Variants in SYNE3 observed in about 807,000 individuals in gnomAD.
The protein encoded by SYNE3 is nesprin-3.
A neutral mutation model predicts 111.2 loss-of-function variants in SYNE3; 100 were observed. The ratio of observed to expected loss-of-function variants is 0.90; its 90% CI spans 0.77 to 1.06. The LOEUF (loss-of-function observed/expected upper bound fraction) is 1.06. Ranked by LOEUF, SYNE3 falls within the 50% of genes least tolerant of loss-of-function variation. The pLI is 0.00. For synonymous variants in SYNE3, 547 were observed against 533.9 expected, an observed-to-expected ratio of 1.02 and a Z score of -0.34; for missense variants, 1,160 against 1,240.3, an observed-to-expected ratio of 0.94 and a Z score of 0.97.
intron 9 of SYNE3, among the ~76,000 whole-genome samples, chr14:95,444,868 C>A (rs1009193094): frequency 2.6e-5 from 4 of 152,186 alleles, no homozygotes; most frequent in Non-Finnish European, 5.9e-5. Flanking sequence ...GCAAGCTACA[C>A]CCCTCCACCC....
intron 17 of SYNE3, among the ~76,000 whole-genome samples, chr14:95,421,249 A>G (rs1247749456): frequency 6.6e-6 from 1 of 152,150 alleles, no homozygotes; most frequent in African/African-American, 2.4e-5. Context: ...TGATGAGCCC[A>G]TGGGGGTGGG....
At chr14:95,420,583 C>CATACAAGTGTTGA (rs1175056790) in intron 17 of SYNE3, among the ~76,000 whole-genome samples, 4 of 152,166 alleles carry the variant, frequency 2.6e-5, no homozygotes, top group Non-Finnish European at 5.9e-5. Flanking sequence ...ATGGTCTTCT[C>CATACAAGTGTTGA]AAAGGATTCC....
chr14:95,502,681 G>A (rs1427050646), intron 1 of SYNE3, among the ~76,000 whole-genome samples: 4 of 152,080 alleles, frequency 2.6e-5, no homozygotes, highest in African/African-American at 7.2e-5. Flanking sequence ...AAACCAGCAC[G>A]TACAACCGGT....
intron 13 of SYNE3, among the ~76,000 whole-genome samples, 177 bp from the exon 14 acceptor site, chr14:95,439,339 C>T (rs561489537): frequency 6.6e-6 from 1 of 152,252 alleles, no homozygotes; most frequent in Non-Finnish European, 1.5e-5. Context: ...CTCAGAGTAA[C>T]CTGTCATGAA....
At chr14:95,514,122 G>C (rs1172346235) in intron 1 of SYNE3, among the ~76,000 whole-genome samples, 1 of 152,096 alleles carries the variant, frequency 6.6e-6, no homozygotes, top group South Asian at 2.1e-4. Flanking sequence ...GAGTTGAAAG[G>C]GGTGACCAGG....
At chr14:95,508,410 C>T (rs1018142132) in intron 1 of SYNE3, among the ~76,000 whole-genome samples, 3 of 152,340 alleles carry the variant, frequency 2.0e-5, no homozygotes, top group Admixed American at 6.5e-5. Context: ...TATTGAGCAG[C>T]TTTGATGGCT....
In SYNE3 at chr14:95,433,297, A is replaced by G. The variant is rs1388334635; in HGVS notation, c.2651T>C (p.Leu884Pro). ...AGAGTCCTTCAGCTTGGACTTGTACAGCATCCACTGGTAGCGCAGATCTTC... is the reference window on the plus strand; with the variant it reads ...AGAGTCCTTCAGCTTGGACTTGTACGGCATCCACTGGTAGCGCAGATCTTC... Reference protein sequence around the residue: ...ELEDLRYQWMLYKSKLKDSGH... With the variant: ...ELEDLRYQWMPYKSKLKDSGH... Residue 884 changes from leucine to proline, a missense_variant, in exon 16 of 18, where the codon CTG (leucine) becomes CCG (proline). Physicochemically the swap from Leu to Pro is moderately conservative, Grantham distance 98. Coordinates refer to ENST00000682763, the MANE Select transcript of SYNE3 (RefSeq NM_152592.6). 1 of 1,614,138 alleles carries G rather than the reference A, an allele frequency of 6.2e-7. No homozygotes were observed. Among genetic ancestry groups the G allele is most frequent in the South Asian group, 1.1e-5 (1 of 91,086 alleles).
At chr14:95,477,533 A>G (rs56080729) in intron 1 of SYNE3, among the ~76,000 whole-genome samples, 81,302 of 152,130 alleles carry the variant, frequency 0.53, 21,983 homozygotes, top group African/African-American at 0.63. Flanking sequence ...TCTACTGGGA[A>G]GCTGGGCACC....
chr14:95,430,699 C>T (rs887825795), intron 17 of SYNE3, among the ~76,000 whole-genome samples: 2 of 152,062 alleles, frequency 1.3e-5, no homozygotes, highest in African/African-American at 4.8e-5. Flanking sequence ...TAGCGCATGC[C>T]TGTAATCCCA....
chr14:95,439,086 TTG>T lies in SYNE3; in HGVS notation c.2321_2322del (p.Pro774GlnfsTer30). On this transcript the variant is annotated frameshift_variant, in exon 14 of 18. Coordinates refer to ENST00000682763, the MANE Select transcript of SYNE3 (RefSeq NM_152592.6). LOFTEE classifies it high-confidence loss of function. ...GKKMVFTNNI[P>X]KSGFLINPMD... ...ATGGGATTGATGAGAAATCCTGACT[TTG>T]GGATGTTGTTGGTGAAAACCATTTT... is the stretch of plus-strand genomic sequence containing the variant. The T allele has an allele frequency of 6.2e-7, 1 of 1,614,216 alleles. No homozygotes were observed.
At chr14:95,466,396 G>T (rs1047487416) in intron 3 of SYNE3, among the ~76,000 whole-genome samples, 156 bp from the exon 4 acceptor site, 3 of 152,138 alleles carry the variant, frequency 2.0e-5, no homozygotes, top group African/African-American at 7.2e-5. Context: ...GCAGCTTGTT[G>T]ACACTCCAGA....
rs780109883 is a variant in SYNE3 at position 95,445,970 on chromosome 14, C to A, written c.1571G>T (p.Gly524Val). Reference protein sequence around the residue: ...RATALLEQVAGSMRDRDLLHN... With the variant: ...RATALLEQVAVSMRDRDLLHN... ...CAGCAGGTCTCTGTCCCTCATGGAA[C>A]CTGCCACCTGCTCCAGGAGTGCCGT... The change falls in exon 9 of 18, where the codon GGT (glycine) becomes GTT (valine). Residue 524 changes from glycine to valine, a missense_variant. Transcript: ENST00000682763. The A allele has an allele frequency of 1.1e-5, 17 of 1,614,030 alleles. No homozygotes were observed. The highest frequency in any genetic ancestry group is 5.0e-5 in the Admixed American group (3 of 60,004).
At chr14:95,437,188 G>A (rs757729261) in intron 14 of SYNE3, among the ~76,000 whole-genome samples, 11 of 152,168 alleles carry the variant, frequency 7.2e-5, no homozygotes, top group South Asian at 2.1e-4. Flanking sequence ...CCCCTTTCTG[G>A]TCCCCTGAGA....
chr14:95,460,711 C>T (rs1706654258), intron 4 of SYNE3, among the ~76,000 whole-genome samples: 1 of 152,200 alleles, frequency 6.6e-6, no homozygotes, highest in African/African-American at 2.4e-5. Context: ...TGCTGGCTTC[C>T]CCTTCCTGCA....
chr14:95,481,152 C>T lies in SYNE3; in HGVS notation c.-14-5317G>A, dbSNP rs140874166. 5.0e-4 allele frequency among the ~76,000 whole-genome samples: 76 copies of T among 152,386 alleles called. No homozygotes were observed. In the Middle Eastern group the frequency reaches 0.027, roughly 55 times the overall value. On this transcript the variant is annotated intron_variant, in intron 1 of 17. Transcript: ENST00000682763. ...GATAAGAATGCGCAGACTGCAGTCA[C>T]TGGCCCAGGACATGGAGGCACTTGC...
intron 8 of SYNE3, among the ~76,000 whole-genome samples, chr14:95,447,714 C>G (rs1161061899): frequency 6.6e-6 from 1 of 152,138 alleles, no homozygotes; most frequent in African/African-American, 2.4e-5. Flanking sequence ...CCCTTTTCAC[C>G]AAGCTCAGAC....
intron 2 of SYNE3, among the ~76,000 whole-genome samples, chr14:95,469,698 G>A (rs1260554809): frequency 1.3e-5 from 2 of 151,826 alleles, no homozygotes; most frequent in African/African-American, 4.8e-5. Flanking sequence ...GTGCCACAGC[G>A]AGACCATGTC....
Position 95,452,354 on chromosome 14 carries a change from C to G in SYNE3, c.1167G>C (p.Glu389Asp), listed in dbSNP as rs765042354. The change falls in exon 7 of 18, where the codon GAG (glutamate) becomes GAC (aspartate). Residue 389 changes from glutamate to aspartate, a missense_variant. Glu to Asp is a conservative substitution (Grantham distance 45, BLOSUM62 2). Coordinates refer to ENST00000682763, the MANE Select transcript of SYNE3 (RefSeq NM_152592.6). ...SATRAALASE[E>D]PRVDRLQAQL... ...GGGCTTGCAGCCGGTCCACCCGGGG[C>G]TCCTCCGAGGCCAGCGCCGCCCGTG... 6.2e-7 allele frequency: 1 copy of G among 1,613,000 alleles called. No individual in the cohort carries two copies. The highest frequency in any genetic ancestry group is 8.5e-7 in the Non-Finnish European group (1 of 1,179,744).
intron 10 of SYNE3, 125 bp from the exon 11 acceptor site, chr14:95,443,414 T>C: frequency 4.9e-6 from 6 of 1,220,150 alleles, no homozygotes; most frequent in Non-Finnish European, 6.7e-6. Flanking sequence ...GCGGTGGGGC[T>C]CTTTCATACC....
Sources: gnomAD v4.1 joint callset for allele counts (sites outside exome capture counted in the v4.1 genomes callset) on GRCh38, gnomAD v4.1.1 for gene constraint, MANE v1.5 for transcripts, NCBI Gene and HGNC (gene_info 2026-07-23, HGNC 2026-07-21) for gene names.